SLC35F4: variants seen among roughly 807,000 people sequenced by gnomAD.
The protein encoded by SLC35F4 is chromosome 14 open reading frame 36.
In SLC35F4, 24 loss-of-function variants were observed where a neutral mutation model predicts 44.2. That is an observed-to-expected ratio of 0.54 (90% CI 0.39 to 0.76). The LOEUF is 0.76. Ranked by LOEUF, SLC35F4 falls within the 30% of genes least tolerant of loss-of-function variation. The probability of loss-of-function intolerance (pLI) is 0.00; values close to 1 mark genes in which losing one functional copy is unlikely to be tolerated. For missense variants in SLC35F4, 562 were observed against 586.1 expected (o/e 0.96, Z 0.42); for synonymous variants, 238 against 223.6 (o/e 1.06, Z -0.57).
intron 3 of SLC35F4, among the ~76,000 whole-genome samples, chr14:57,583,918 G>T (rs915034682): frequency 9.9e-5 from 15 of 152,178 alleles, no homozygotes; most frequent in Admixed American, 9.8e-4. Context: ...AAGTGGCATT[G>T]ACAGGTGGTA....
At chr14:57,841,927 A>G (rs1029014161) in intron 1 of SLC35F4, among the ~76,000 whole-genome samples, 6 of 152,224 alleles carry the variant, frequency 3.9e-5, no homozygotes, top group Non-Finnish European at 8.8e-5. Context: ...TAAACAATGG[A>G]AATTGTTGGA....
chr14:57,982,196 G>C (rs2141102032), upstream of SLC35F4: 1 of 152,316 alleles, frequency 6.6e-6, no homozygotes, highest in Admixed American at 6.5e-5. Flanking sequence ...GCTATGAGTG[G>C]AGGAGACAGA....
intron 1 of SLC35F4, among the ~76,000 whole-genome samples, chr14:57,752,792 G>A (rs1477929145): frequency 6.6e-6 from 1 of 152,192 alleles, no homozygotes; most frequent in Non-Finnish European, 1.5e-5. Context: ...AGCCAAAATG[G>A]TCTTCACCCA....
intron 1 of SLC35F4, among the ~76,000 whole-genome samples, chr14:57,684,225 C>T (rs374915934): frequency 1.4e-4 from 21 of 152,214 alleles, no homozygotes; most frequent in African/African-American, 3.9e-4. Flanking sequence ...CATCCCACGC[C>T]GCTGCTGGCA....
chr14:57,958,005 T>C (rs563003650), intron 1 of SLC35F4, among the ~76,000 whole-genome samples: 8 of 152,318 alleles, frequency 5.3e-5, no homozygotes, highest in African/African-American at 1.7e-4. Flanking sequence ...TTGACTATAC[T>C]ATGCAGTCCT....
intron 1 of SLC35F4, among the ~76,000 whole-genome samples, chr14:57,977,108 A>T (rs1349670442): frequency 6.6e-6 from 1 of 152,182 alleles, no homozygotes; most frequent in Non-Finnish European, 1.5e-5. Flanking sequence ...GTTAAATCCT[A>T]CCTAAAGTGA....
chr14:57,637,980 C>A (rs1057048335), intron 1 of SLC35F4, among the ~76,000 whole-genome samples: 1 of 152,100 alleles, frequency 6.6e-6, no homozygotes, highest in Non-Finnish European at 1.5e-5. Context: ...ATGGAATGCA[C>A]TCTTTGTGAT....
chr14:57,917,850 A>G (rs1362436765), intron 1 of SLC35F4, among the ~76,000 whole-genome samples: 3 of 152,082 alleles, frequency 2.0e-5, no homozygotes, highest in Non-Finnish European at 4.4e-5. Context: ...ACTAGGCCTT[A>G]ATCTGTTAGT....
intron 1 of SLC35F4, among the ~76,000 whole-genome samples, chr14:57,774,556 C>T (rs749132793): frequency 6.6e-6 from 1 of 152,150 alleles, no homozygotes; most frequent in Non-Finnish European, 1.5e-5. Context: ...CTGAACCCTG[C>T]GAGGTAGTCT....
At chr14:57,716,929 A>G (rs1167079864) in intron 1 of SLC35F4, among the ~76,000 whole-genome samples, 1 of 151,944 alleles carries the variant, frequency 6.6e-6, no homozygotes, top group Non-Finnish European at 1.5e-5. Flanking sequence ...CTTCTATGAG[A>G]TCAACTTTTT....
At chr14:57,752,775 T>C (rs1416980144) in intron 1 of SLC35F4, among the ~76,000 whole-genome samples, 1 of 152,150 alleles carries the variant, frequency 6.6e-6, no homozygotes, top group Non-Finnish European at 1.5e-5. Flanking sequence ...CCTTGTCTTT[T>C]GTAGGGAGCC....
Position 57,588,802 on chromosome 14 carries a change from CTGGGCT to C in SLC35F4, c.587+408_587+413del, listed in dbSNP as rs1295208475. Among the ~76,000 whole-genome samples the C allele has an allele frequency of 5.9e-5, 9 of 152,174 alleles. 1 individual carries two copies. In the Middle Eastern group the frequency reaches 0.02, roughly 345 times the overall value. On this transcript the variant is annotated intron_variant, in intron 3 of 7. Transcript: ENST00000556826. ...ACAATCTTATTAATACCATTTTTTT[CTGGGCT>C]TGATGCACTGGGATGTTCTTATAAA...
intron 1 of SLC35F4, among the ~76,000 whole-genome samples, chr14:57,636,570 C>T (rs2073026422): frequency 6.6e-6 from 1 of 151,980 alleles, no homozygotes; most frequent in African/African-American, 2.4e-5. Flanking sequence ...AACAGCTTTC[C>T]AAATAGATAT....
At chr14:57,620,235 T>C (rs1276868911) in intron 1 of SLC35F4, among the ~76,000 whole-genome samples, 2 of 151,922 alleles carry the variant, frequency 1.3e-5, no homozygotes, top group East Asian at 3.9e-4. Context: ...CAAGACATAA[T>C]TGTCAGATTC....
At chr14:57,680,742 C>T (rs2074869204) in intron 1 of SLC35F4, among the ~76,000 whole-genome samples, 1 of 151,986 alleles carries the variant, frequency 6.6e-6, no homozygotes, top group Non-Finnish European at 1.5e-5. Flanking sequence ...AACAGAGAGC[C>T]AAATCTTGAG....
At chr14:57,900,154 G>T (rs1339296046) in intron 1 of SLC35F4, among the ~76,000 whole-genome samples, 1 of 152,116 alleles carries the variant, frequency 6.6e-6, no homozygotes, top group Non-Finnish European at 1.5e-5. Flanking sequence ...ACTGTTTGGT[G>T]CATTTTACAA....
chr14:57,939,094 C>T (rs1221433530), intron 1 of SLC35F4, among the ~76,000 whole-genome samples: 2 of 151,772 alleles, frequency 1.3e-5, no homozygotes, highest in African/African-American at 4.8e-5. Context: ...GTATCTTTCC[C>T]CCCGAGAGGG....
At chr14:57,871,478 C>T (rs1392112771) in intron 1 of SLC35F4, among the ~76,000 whole-genome samples, 1 of 152,180 alleles carries the variant, frequency 6.6e-6, no homozygotes, top group Non-Finnish European at 1.5e-5. Flanking sequence ...AAACCTGCTA[C>T]ATATTCATTT....
chr14:57,793,324 A>C (rs764649189), intron 1 of SLC35F4, among the ~76,000 whole-genome samples: 2 of 151,960 alleles, frequency 1.3e-5, no homozygotes, highest in African/African-American at 4.8e-5. Context: ...AGTGGTGAAG[A>C]CTGGGCTTTT....
Sources: gnomAD v4.1 joint callset for allele counts (sites outside exome capture counted in the v4.1 genomes callset) on GRCh38, gnomAD v4.1.1 for gene constraint, MANE v1.5 for transcripts, NCBI Gene and HGNC (gene_info 2026-07-23, HGNC 2026-07-21) for gene names.